Variants in TDG observed in about 807,000 individuals in gnomAD.
TDG encodes the protein thymine DNA glycosylase.
A neutral mutation model predicts 46.1 loss-of-function variants in TDG; 23 were observed. The observed-to-expected ratio is 0.50, with a 90% CI of 0.36 to 0.71. TDG has a LOEUF of 0.71. Ranked by LOEUF, TDG falls within the 30% of genes least tolerant of loss-of-function variation. The pLI is 0.00. For missense variants in TDG, 304 were observed against 486.7 expected (o/e 0.62, Z 3.53); for synonymous variants, 115 against 161.3 (o/e 0.71, Z 2.18).
In TDG at chr12:103,975,364, A is replaced by G. The variant is rs372804672; in HGVS notation, c.24-1554A>G. Among the ~76,000 whole-genome samples the G allele has an allele frequency of 1.1e-4, 16 of 152,268 alleles. No individual in the cohort carries two copies. The South Asian group carries it at 2.9e-3, about 28-fold the overall frequency. ...TTTCATGTTTCTCTTTAGTGACTGAATCTATTTTGTGTTGCTGTTTCAGAA... is the reference window on the plus strand; with the variant it reads ...TTTCATGTTTCTCTTTAGTGACTGAGTCTATTTTGTGTTGCTGTTTCAGAA... On this transcript the variant is annotated intron_variant, in intron 1 of 9. Coordinates refer to ENST00000392872, the MANE Select transcript of TDG (RefSeq NM_003211.6).
intron 1 of TDG, among the ~76,000 whole-genome samples, chr12:103,971,224 A>G (rs1165938186): frequency 6.6e-6 from 1 of 152,206 alleles, no homozygotes; most frequent in African/African-American, 2.4e-5. Flanking sequence ...TTGATTAGTA[A>G]CTAAAGGATG....
intron 2 of TDG, 95 bp from the exon 3 acceptor site, chr12:103,979,736 G>C: frequency 1.4e-6 from 2 of 1,443,398 alleles, no homozygotes; most frequent in Non-Finnish European, 1.9e-6. Flanking sequence ...GGGGAGACAG[G>C]TACAAAAGGT....
chr12:103,982,975 G>A (rs1401875810), intron 5 of TDG, 41 bp downstream of exon 5: 1 of 1,608,548 alleles, frequency 6.2e-7, no homozygotes, highest in East Asian at 2.2e-5. Flanking sequence ...GGAACCTTGA[G>A]TATGCTGGTG....
At chr12:103,966,352 T>C (rs190660632) in intron 1 of TDG, among the ~76,000 whole-genome samples, 60 of 152,346 alleles carry the variant, frequency 3.9e-4, no homozygotes, top group Admixed American at 3.5e-3. Flanking sequence ...CTTTGGTTAA[T>C]GTGTCTTTCT....
At chr12:103,984,641 AGTT>A in intron 7 of TDG, 105 bp from the exon 8 acceptor site, 4 of 803,342 alleles carry the variant, frequency 5.0e-6, no homozygotes, top group Non-Finnish European at 6.8e-6. Flanking sequence ...ATTTATATGT[AGTT>A]AAGTATCAAG....
chr12:103,969,156 G>T (rs1442926582), intron 1 of TDG, among the ~76,000 whole-genome samples: 1 of 152,172 alleles, frequency 6.6e-6, no homozygotes, highest in African/African-American at 2.4e-5. Flanking sequence ...TTTTACATAG[G>T]CCAACTAGCT....
rs1268430640 is a variant in TDG at position 103,988,775 on chromosome 12, G to A, written c.*1685G>A. On this transcript the variant is annotated 3_prime_UTR_variant, in exon 10 of 10. Coordinates refer to ENST00000392872, the MANE Select transcript of TDG (RefSeq NM_003211.6). The stretch of plus-strand genomic sequence containing the variant: ...ATGTTGATATATCCTATACATGACA[G>A]TGTGAGACTTTTTCATTAAATAATA... 1 of 145,744 alleles carries A rather than the reference G, an allele frequency of 6.9e-6. No individual in the cohort carries two copies. Among genetic ancestry groups the A allele is most frequent in the Admixed American group, 6.9e-5 (1 of 14,532 alleles). The allele number at this position is 145,744 out of a possible 1,614,324, so 9.0% of individuals were successfully genotyped here. A position where few individuals can be genotyped will look rare whatever the true frequency, so the allele number is the denominator to read the frequency against.
intron 1 of TDG, among the ~76,000 whole-genome samples, chr12:103,975,127 A>G (rs1198086983): frequency 6.6e-6 from 1 of 152,142 alleles, no homozygotes; most frequent in Non-Finnish European, 1.5e-5. Flanking sequence ...AGTTTCATCA[A>G]ATATGTGTTT....
Position 103,966,201 on chromosome 12 carries a change from G to A in TDG, c.23+141G>A, listed in dbSNP as rs1034849569. 7.4e-6 allele frequency: 9 copies of A among 1,208,830 alleles called. No individual in the cohort carries two copies. The Admixed American group carries it at 2.7e-4, about 36-fold the overall frequency. 74.9% of individuals were successfully genotyped at this position (1,208,830 alleles called of 1,614,324 possible). A position where few individuals can be genotyped will look rare whatever the true frequency, so the allele number is the denominator to read the frequency against. Reference sequence around the variant, plus strand: ...GGGCCGCGCGTGCGCACTGTGGCCTGGTCGGCCTTTCCTTCCCTGGCTGCG... The same window carrying A: ...GGGCCGCGCGTGCGCACTGTGGCCTAGTCGGCCTTTCCTTCCCTGGCTGCG... On this transcript the variant is annotated intron_variant, in intron 1 of 9. Transcript: ENST00000392872.
intron 9 of TDG, 139 bp from the exon 10 acceptor site, chr12:103,986,809 C>T: frequency 1.2e-6 from 1 of 844,852 alleles, no homozygotes; most frequent in Non-Finnish European, 1.8e-6. Flanking sequence ...CACTCAAGCC[C>T]AGGAGTTTGA....
rs1566184818 is a variant in TDG at position 103,985,797 on chromosome 12, TAGA to T, written c.1090+72_1090+74del. ...GTCAGGATTGGGGGGAAAATTTTAATAGAAGGAGAGTAAATTATTGAAGAATGG... is the reference window on the plus strand; with the variant it reads ...GTCAGGATTGGGGGGAAAATTTTAATAGGAGAGTAAATTATTGAAGAATGG... On this transcript the variant is annotated intron_variant, in intron 9 of 9. Coordinates refer to ENST00000392872, the MANE Select transcript of TDG (RefSeq NM_003211.6). The T allele has an allele frequency of 5.1e-6, 7 of 1,383,498 alleles. No homozygotes were observed. The African/African-American group carries it at 7.4e-5, about 15-fold the overall frequency. 85.7% of individuals were successfully genotyped at this position (1,383,498 alleles called of 1,614,324 possible).
At chr12:103,968,212 C>A (rs1242407269) in intron 1 of TDG, among the ~76,000 whole-genome samples, 1 of 152,108 alleles carries the variant, frequency 6.6e-6, no homozygotes, top group African/African-American at 2.4e-5. Flanking sequence ...GAGGAATTTT[C>A]TAAGGGTACT....
At chr12:103,985,006 T>C in intron 8 of TDG, 86 bp downstream of exon 8, 1 of 1,118,382 alleles carries the variant, frequency 8.9e-7, no homozygotes, top group Non-Finnish European at 1.2e-6. Flanking sequence ...CATATACATA[T>C]ATACATATAC....
In TDG at chr12:103,965,901, C is replaced by A; in HGVS notation, c.-137C>A. The A allele has an allele frequency of 7.3e-7, 1 of 1,361,894 alleles. No individual in the cohort carries two copies. The highest frequency in any genetic ancestry group is 9.9e-7 in the Non-Finnish European group (1 of 1,006,064). The allele number at this position is 1,361,894 out of a possible 1,614,324, so 84.4% of individuals were successfully genotyped here. A position where few individuals can be genotyped will look rare whatever the true frequency, so the allele number is the denominator to read the frequency against. On this transcript the variant is annotated 5_prime_UTR_variant, in exon 1 of 10. Transcript: ENST00000392872. ...GCCTGGAGGAGGAGCTTGAGTCCAG[C>A]CACTGTCTGGGTACTGCCAGCCATC...
rs1393307573 is a variant in TDG, at chr12:103,988,097, T to A, written c.*1007T>A. On this transcript the variant is annotated 3_prime_UTR_variant, in exon 10 of 10. Transcript: ENST00000392872. ...TTGCTGTTTGTTACTATAAATTAAA[T>A]GAACCTCATGGAAAGGTTGAGGTGT... 6.5e-6 allele frequency: 1 copy of A among 152,738 alleles called. No homozygotes were observed. The highest frequency in any genetic ancestry group is 6.5e-5 in the Admixed American group (1 of 15,294). The allele number at this position is 152,738 out of a possible 1,614,324, so 9.5% of individuals were successfully genotyped here.
chr12:103,973,792 A>T (rs1368895832), intron 1 of TDG, among the ~76,000 whole-genome samples: 1 of 152,174 alleles, frequency 6.6e-6, no homozygotes, highest in Non-Finnish European at 1.5e-5. Context: ...ACTATTTTGT[A>T]TTCTTTTCTG....
In TDG at chr12:103,988,343, C is replaced by G. The variant is rs1360727678; in HGVS notation, c.*1253C>G. The G allele has an allele frequency of 6.5e-6, 1 of 152,702 alleles. No individual in the cohort carries two copies. The highest frequency in any genetic ancestry group is 2.4e-5 in the African/African-American group (1 of 41,486). 9.5% of individuals were successfully genotyped at this position (152,702 alleles called of 1,614,324 possible). Reference sequence around the variant, plus strand: ...CCACCCCCAGGAGGTTATATGATTGCTCTTCTCTTTATAATAAGAGAAACA... The same window carrying G: ...CCACCCCCAGGAGGTTATATGATTGGTCTTCTCTTTATAATAAGAGAAACA... On this transcript the variant is annotated 3_prime_UTR_variant, in exon 10 of 10. Transcript: ENST00000392872.
rs747634270 is a variant in TDG, at chr12:103,981,196, T to C, written c.478+234T>C. On this transcript the variant is annotated intron_variant, in intron 4 of 9. Coordinates refer to ENST00000392872, the MANE Select transcript of TDG (RefSeq NM_003211.6). ...ATGTGAATAAGAGTACTTTCTCTTT[T>C]GTTTGAATTGTTTCTAATGAGTTGT... Among the ~76,000 whole-genome samples the C allele has an allele frequency of 6.6e-5, 10 of 152,012 alleles. 1 individual carries two copies. In the East Asian group the frequency reaches 1.5e-3, roughly 23 times the overall value.
rs1415076897 is a variant in TDG, at chr12:103,967,896, A to C, written c.23+1836A>C. 8 of 112,884 alleles carry C rather than the reference A, an allele frequency of 7.1e-5. 1 individual carries two copies. The highest frequency in any genetic ancestry group is 2.5e-4 in the African/African-American group (8 of 31,792). 7.0% of individuals were successfully genotyped at this position (112,884 alleles called of 1,614,324 possible). On this transcript the variant is annotated intron_variant, in intron 1 of 9. Coordinates refer to ENST00000392872, the MANE Select transcript of TDG (RefSeq NM_003211.6). ...CAAGATGGAGTACAGTGGTGCGATC[A>C]CCGTTCACTGCAACCTCTGCTTCCC...
Sources: gnomAD v4.1 joint callset for allele counts (sites outside exome capture counted in the v4.1 genomes callset) on GRCh38, gnomAD v4.1.1 for gene constraint, MANE v1.5 for transcripts, NCBI Gene and HGNC (gene_info 2026-07-23, HGNC 2026-07-21) for gene names.